The following CREB3L2 variants were observed in gnomAD, a reference collection of about 807,000 sequenced individuals.
CREB3L2 encodes cAMP responsive element binding protein 3 like 2.
CREB3L2 carries 23 observed loss-of-function variants against 57.2 expected under a neutral mutation model. That is an observed-to-expected ratio of 0.40 (90% confidence interval 0.29 to 0.57). The LOEUF is 0.57. Ranked by LOEUF, CREB3L2 falls within the 20% of genes least tolerant of loss-of-function variation. The pLI, the probability that CREB3L2 is intolerant of heterozygous loss-of-function variation, is 0.42. For missense variants in CREB3L2, 628 were observed against 634.7 expected, an observed-to-expected ratio of 0.99 and a Z score of 0.11; for synonymous variants, 268 against 265.1, an observed-to-expected ratio of 1.01 and a Z score of -0.11.
intron 1 of CREB3L2, among the ~76,000 whole-genome samples, chr7:137,983,061 C>T (rs1801737197): frequency 6.6e-6 from 1 of 152,150 alleles, no homozygotes; most frequent in South Asian, 2.1e-4. Context: ...TTTAAGTCAC[C>T]CATCTGTAGC....
chr7:137,880,386 C>T lies in CREB3L2; in HGVS notation c.*90G>A. On this transcript the variant is annotated 3_prime_UTR_variant, in exon 12 of 12. Transcript: ENST00000330387. The surrounding 1 kb of genome is among the most constrained non-coding windows in gnomAD (Gnocchi z 4.0). ...TGCTTGCCCATGTCTCCATGAAGAT[C>T]CAGTGGCAAAGAGGAAAAGCTGATG... 3 of 1,039,688 alleles carry T rather than the reference C, an allele frequency of 2.9e-6. No individual in the cohort carries two copies. Among genetic ancestry groups the T allele is most frequent in the African/African-American group, 1.6e-5 (1 of 63,444 alleles). The allele number at this position is 1,039,688 out of a possible 1,614,324, so 64.4% of individuals were successfully genotyped here. A position where few individuals can be genotyped will look rare whatever the true frequency, so the allele number is the denominator to read the frequency against.
At chr7:137,961,627 C>T (rs1186880653) in intron 1 of CREB3L2, among the ~76,000 whole-genome samples, 1 of 152,104 alleles carries the variant, frequency 6.6e-6, no homozygotes, top group Non-Finnish European at 1.5e-5. Context: ...ATCTCTTGTC[C>T]TCCCCTCCCC....
chr7:137,970,925 C>T (rs1465427934), intron 1 of CREB3L2, among the ~76,000 whole-genome samples: 1 of 152,178 alleles, frequency 6.6e-6, no homozygotes, highest in Non-Finnish European at 1.5e-5. Context: ...TGTGCACCTA[C>T]CTACACTACG....
chr7:137,884,939 C>T (rs1799378900), intron 10 of CREB3L2, 56 bp downstream of exon 10: 3 of 1,608,952 alleles, frequency 1.9e-6, no homozygotes, highest in Non-Finnish European at 2.6e-6. Context: ...GACTGAGAAA[C>T]CCAGCTCTAG....
At chr7:137,932,733 A>G (rs1240788982) in intron 1 of CREB3L2, among the ~76,000 whole-genome samples, 2 of 152,228 alleles carry the variant, frequency 1.3e-5, no homozygotes, top group Non-Finnish European at 2.9e-5. Flanking sequence ...CTACAAGTTC[A>G]AATATGCCCA....
intron 8 of CREB3L2, among the ~76,000 whole-genome samples, chr7:137,891,580 CT>C (rs112052063): frequency 8.6e-4 from 124 of 144,428 alleles, no homozygotes; most frequent in East Asian, 2.4e-3. Context: ...GACATACTTT[CT>C]TTTTTTTTTT....
intron 2 of CREB3L2, among the ~76,000 whole-genome samples, chr7:137,926,881 G>T (rs1800474842): frequency 6.6e-6 from 1 of 152,190 alleles, no homozygotes; most frequent in Non-Finnish European, 1.5e-5. Flanking sequence ...GGGCATGGTG[G>T]CTCATGCCTA....
chr7:137,896,936 T>C (rs1215180145), intron 8 of CREB3L2, among the ~76,000 whole-genome samples: 1 of 152,118 alleles, frequency 6.6e-6, no homozygotes, highest in African/African-American at 2.4e-5. Context: ...AACAAGAGAA[T>C]AGAAAGGTGG....
At chr7:137,931,903 C>G (rs1371891639) in intron 1 of CREB3L2, among the ~76,000 whole-genome samples, 1 of 152,150 alleles carries the variant, frequency 6.6e-6, no homozygotes, top group Non-Finnish European at 1.5e-5. Context: ...ATGGTTGCTG[C>G]TGTAATCTTT....
chr7:137,966,302 T>A (rs1783496968), intron 1 of CREB3L2, among the ~76,000 whole-genome samples: 1 of 152,238 alleles, frequency 6.6e-6, no homozygotes, highest in Non-Finnish European at 1.5e-5. Flanking sequence ...GCTTACATAC[T>A]TTAAAAAATT....
rs1799191124 is a variant in CREB3L2 at position 137,877,772 on chromosome 7, C to G, written c.*2704G>C. On this transcript the variant is annotated 3_prime_UTR_variant, in exon 12 of 12. Coordinates refer to ENST00000330387, the MANE Select transcript of CREB3L2 (RefSeq NM_194071.4). ...TTTAGAGCTAATCATAAGTTAATGA[C>G]TAGTCTAAGAGGCCACTTGGTGGGG... The G allele has an allele frequency of 1.8e-5, 4 of 228,452 alleles. No individual in the cohort carries two copies. Among genetic ancestry groups the G allele is most frequent in the Admixed American group, 1.1e-4 (2 of 17,626 alleles). The allele number at this position is 228,452 out of a possible 1,614,324, so 14.2% of individuals were successfully genotyped here. A position where few individuals can be genotyped will look rare whatever the true frequency, so the allele number is the denominator to read the frequency against.
chr7:137,951,373 T>C (rs932057963), intron 1 of CREB3L2, among the ~76,000 whole-genome samples: 2 of 152,182 alleles, frequency 1.3e-5, no homozygotes, highest in African/African-American at 4.8e-5. Context: ...TATTGATACA[T>C]TAAGTATGGT....
At position 137,901,419 on chromosome 7, in the gene CREB3L2, C is replaced by T; in HGVS notation, c.978G>A (p.Val326=). 8 of 1,601,108 alleles carry T rather than the reference C, an allele frequency of 5.0e-6. No individual in the cohort carries two copies. Among genetic ancestry groups the T allele is most frequent in the Non-Finnish European group, 6.8e-6 (8 of 1,168,492 alleles). Reference sequence around the variant, plus strand: ...CCAAGTTCTCAGTTGAACAAGACTCCACTCTACAAAGGAGGGAGAAAGAAG... The same window carrying T: ...CCAAGTTCTCAGTTGAACAAGACTCTACTCTACAAAGGAGGGAGAAAGAAG... ...KEYMDSLEKK[V]ESCSTENLEL... Residue 326 remains valine (V), a synonymous_variant, in exon 8 of 12, where the codon GTG becomes GTA. Transcript: ENST00000330387.
At chr7:137,993,709 C>A (rs1049342507) in intron 1 of CREB3L2, among the ~76,000 whole-genome samples, 2 of 152,160 alleles carry the variant, frequency 1.3e-5, no homozygotes, top group Non-Finnish European at 2.9e-5. Context: ...TATATAAAAA[C>A]AGGCCAAAGC....
At position 137,885,042 on chromosome 7, in the gene CREB3L2, G is replaced by T; in HGVS notation, c.1223C>A (p.Ala408Asp). The change falls in exon 10 of 12, where the codon GCT (alanine) becomes GAT (aspartate). Residue 408 changes from alanine (A) to aspartate (D), a missense_variant. Ala to Asp is a moderately radical substitution (Grantham distance 126). Coordinates refer to ENST00000330387, the MANE Select transcript of CREB3L2 (RefSeq NM_194071.4). ...YGPYPSATKM[A>D]LPSQHSLQEP... The stretch of plus-strand genomic sequence containing the variant: ...CTGCAGGGAATGCTGGCTGGGCAGA[G>T]CCATCTTGGTGGCAGAAGGATAGGG... The T allele has an allele frequency of 6.2e-7, 1 of 1,614,208 alleles. No individual in the cohort carries two copies. Among genetic ancestry groups the T allele is most frequent in the East Asian group, 2.2e-5 (1 of 44,884 alleles).
chr7:137,972,712 AATATAT>A (rs1563270138), intron 1 of CREB3L2, among the ~76,000 whole-genome samples: 10 of 34,112 alleles, frequency 2.9e-4, no homozygotes, highest in African/African-American at 1.1e-3. Context: ...AAAAAAAAAA[AATATAT>A]ATATATATAT....
chr7:137,916,068 C>T, intron 2 of CREB3L2, 56 bp from the exon 3 acceptor site: 1 of 1,401,714 alleles, frequency 7.1e-7, no homozygotes, highest in Non-Finnish European at 9.7e-7. Flanking sequence ...CAGGCATAAG[C>T]AAAACAAGCG....
At chr7:137,947,561 T>C (rs274000) in intron 1 of CREB3L2, among the ~76,000 whole-genome samples, 105,914 of 151,988 alleles carry the variant, frequency 0.7, 37,171 homozygotes, top group East Asian at 0.83. Flanking sequence ...TTGCCCCCCT[T>C]GGCTCACTCC....
At chr7:137,905,162 G>A (rs773504437) in intron 6 of CREB3L2, among the ~76,000 whole-genome samples, 9 of 151,512 alleles carry the variant, frequency 5.9e-5, no homozygotes, top group Non-Finnish European at 1.2e-4. Flanking sequence ...GGGCCCAGGG[G>A]TAGGAGACTA....
Sources: gnomAD v4.1 joint callset for allele counts (sites outside exome capture counted in the v4.1 genomes callset) on GRCh38, gnomAD v4.1.1 for gene constraint, Gnocchi (gnomAD v3.1) non-coding constraint, MANE v1.5 for transcripts, NCBI Gene and HGNC (gene_info 2026-07-23, HGNC 2026-07-21) for gene names.